OTUB2: variants seen among roughly 807,000 people sequenced by gnomAD.
OTUB2 encodes OTU deubiquitinase, ubiquitin aldehyde binding 2, also known as ubiquitin thioesterase OTUB2.
A neutral mutation model predicts 25.1 loss-of-function variants in OTUB2; 21 were observed. The observed-to-expected ratio is 0.84, with a 90% CI of 0.59 to 1.21. The LOEUF (loss-of-function observed/expected upper bound fraction) is 1.21. Ranked by LOEUF, OTUB2 falls within the 50% of genes most tolerant of loss-of-function variation. OTUB2 has a pLI of 0.00. For synonymous variants in OTUB2, 122 were observed against 122.8 expected (o/e 0.99, Z 0.04); for missense variants, 283 against 298.0 (o/e 0.95, Z 0.37).
rs1464959162 is a variant in OTUB2 at position 94,048,492 on chromosome 14, T to C, written c.*2570T>C. ...AGCTGTATGATCTTGGCCAAGTCAC[T>C]TCACCTCCCTGAGCCCCAATTCCCA... On this transcript the variant is annotated 3_prime_UTR_variant, in exon 6 of 6. Transcript: ENST00000203664. The C allele has an allele frequency of 6.6e-6, 1 of 152,214 alleles. No individual in the cohort carries two copies. Among genetic ancestry groups the C allele is most frequent in the African/African-American group, 2.4e-5 (1 of 41,464 alleles). 9.4% of individuals were successfully genotyped at this position (152,214 alleles called of 1,614,324 possible). A position where few individuals can be genotyped will look rare whatever the true frequency, so the allele number is the denominator to read the frequency against.
chr14:94,035,449 CA>C (rs1885037401), intron 1 of OTUB2, among the ~76,000 whole-genome samples: 1 of 151,918 alleles, frequency 6.6e-6, no homozygotes, highest in South Asian at 2.1e-4. Flanking sequence ...CCACCATGCC[CA>C]GCTAATTTTT....
Position 94,044,791 on chromosome 14 carries a change from G to A in OTUB2, c.498+11G>A, listed in dbSNP as rs774619748. 1 of 1,604,860 alleles carries A rather than the reference G, an allele frequency of 6.2e-7. No individual in the cohort carries two copies. The highest frequency in any genetic ancestry group is 1.1e-5 in the South Asian group (1 of 89,966). ...GACTTCTGCACTCACGTAGGTGCTT[G>A]GGGTCTCAGCCCCAGCCCTGGGCTC... On this transcript the variant is annotated intron_variant, in intron 5 of 5. Transcript: ENST00000203664.
chr14:94,029,166 T>C (rs1458300657), intron 1 of OTUB2, among the ~76,000 whole-genome samples: 2 of 152,082 alleles, frequency 1.3e-5, no homozygotes, highest in African/African-American at 4.8e-5. Flanking sequence ...AAGTAAGAGA[T>C]GGTTGACTTG....
At chr14:94,026,586 C>CGGGGGGGGGGGGGGGGGGGGGG in intron 1 of OTUB2, 46 bp downstream of exon 1, 1 of 383,204 alleles carries the variant, frequency 2.6e-6, no homozygotes, top group Non-Finnish European at 3.8e-6. Flanking sequence ...GCAGGGGGCG[C>CGGGGGGGGGGGGGGGGGGGGGG]GGTGGGCGGG....
At chr14:94,029,908 G>C (rs527866240) in intron 1 of OTUB2, among the ~76,000 whole-genome samples, 1 of 152,338 alleles carries the variant, frequency 6.6e-6, no homozygotes, top group Admixed American at 6.5e-5. Context: ...GCATGGGAAG[G>C]CCTCTCTGAG....
chr14:94,044,922 C>A, intron 5 of OTUB2, 142 bp downstream of exon 5: 1 of 858,520 alleles, frequency 1.2e-6, no homozygotes, highest in Non-Finnish European at 1.7e-6. Flanking sequence ...CAGCAAGCTG[C>A]AGACAGGTCC....
intron 3 of OTUB2, among the ~76,000 whole-genome samples, chr14:94,043,012 GAT>G (rs1266637549): frequency 2.0e-5 from 3 of 152,200 alleles, no homozygotes; most frequent in Non-Finnish European, 2.9e-5. Flanking sequence ...AGGACTGTTA[GAT>G]ATGCCAGGAC....
At chr14:94,043,781 G>A (rs567375714) in intron 3 of OTUB2, among the ~76,000 whole-genome samples, 190 bp from the exon 4 acceptor site, 8 of 152,328 alleles carry the variant, frequency 5.3e-5, no homozygotes, top group Admixed American at 5.2e-4. Context: ...AGCCACCAGG[G>A]CCCGGCAGGG....
chr14:94,040,384 G>A lies in OTUB2; in HGVS notation c.218+1303G>A, dbSNP rs548320779. Among the ~76,000 whole-genome samples the A allele has an allele frequency of 3.9e-5, 6 of 152,268 alleles. No homozygotes were observed. The South Asian group carries it at 6.2e-4, about 16-fold the overall frequency. On this transcript the variant is annotated intron_variant, in intron 3 of 5. Transcript: ENST00000203664. ...TATGACCCCAACTTCATTTCCCCACGACCCATGTCCCCTGGAGTTGTGCCA... is the reference window on the plus strand; with the variant it reads ...TATGACCCCAACTTCATTTCCCCACAACCCATGTCCCCTGGAGTTGTGCCA...
In OTUB2 at chr14:94,047,361, G is replaced by C. The variant is rs553311288; in HGVS notation, c.*1439G>C. The C allele has an allele frequency of 6.6e-6, 1 of 152,132 alleles. No individual in the cohort carries two copies. The highest frequency in any genetic ancestry group is 6.6e-5 in the Admixed American group (1 of 15,266). The allele number at this position is 152,132 out of a possible 1,614,324, so 9.4% of individuals were successfully genotyped here. A position where few individuals can be genotyped will look rare whatever the true frequency, so the allele number is the denominator to read the frequency against. On this transcript the variant is annotated 3_prime_UTR_variant, in exon 6 of 6. Coordinates refer to ENST00000203664, the MANE Select transcript of OTUB2 (RefSeq NM_023112.4). ...AGATTTGTGTCACTCTTCTGCCTTC[G>C]TGAAAAGCCAATAGCACTCTCAGAT...
intron 4 of OTUB2, 114 bp from the exon 5 acceptor site, chr14:94,044,472 C>G (rs1400142671): frequency 1.5e-5 from 16 of 1,097,890 alleles, no homozygotes; most frequent in Admixed American, 2.6e-5. Flanking sequence ...ACCTGAGAAT[C>G]TACAAATGAA....
At position 94,047,406 on chromosome 14, in the gene OTUB2, A is replaced by C. The variant is rs947333742; in HGVS notation, c.*1484A>C. 6 of 152,312 alleles carry C rather than the reference A, an allele frequency of 3.9e-5. 1 individual carries two copies. The East Asian group carries it at 1.2e-3, about 29-fold the overall frequency. 9.4% of individuals were successfully genotyped at this position (152,312 alleles called of 1,614,324 possible). A position where few individuals can be genotyped will look rare whatever the true frequency, so the allele number is the denominator to read the frequency against. On this transcript the variant is annotated 3_prime_UTR_variant, in exon 6 of 6. Transcript: ENST00000203664. ...TCAGATATCAGGGGATTTTAGTTCC[A>C]AGCAGGGACCCTGGTTTCCATACTG...
Position 94,026,378 on chromosome 14 carries a change from C to A in OTUB2, c.-160C>A, listed in dbSNP as rs1229631800. 1 of 1,252,894 alleles carries A rather than the reference C, an allele frequency of 8.0e-7. No individual in the cohort carries two copies. The highest frequency in any genetic ancestry group is 1.6e-5 in the African/African-American group (1 of 64,394). The allele number at this position is 1,252,894 out of a possible 1,614,324, so 77.6% of individuals were successfully genotyped here. On this transcript the variant is annotated 5_prime_UTR_variant, in exon 1 of 6. Transcript: ENST00000203664. ...TGCTGGGACACAGTGGAGGTCTAAC[C>A]TTTGGTTTGCGGAGCGGTCGGGTGT... is the stretch of plus-strand genomic sequence containing the variant.
rs1029597469 is a variant in OTUB2, at chr14:94,046,146, C to T, written c.*224C>T. 16 of 621,890 alleles carry T rather than the reference C, an allele frequency of 2.6e-5. No homozygotes were observed. Among genetic ancestry groups the T allele is most frequent in the Non-Finnish European group, 4.2e-5 (15 of 358,482 alleles). 38.5% of individuals were successfully genotyped at this position (621,890 alleles called of 1,614,324 possible). A position where few individuals can be genotyped will look rare whatever the true frequency, so the allele number is the denominator to read the frequency against. On this transcript the variant is annotated 3_prime_UTR_variant, in exon 6 of 6. Coordinates refer to ENST00000203664, the MANE Select transcript of OTUB2 (RefSeq NM_023112.4). ...AGGGACAAATGCTTTCTAACTGGGC[C>T]CCCGACTCCGCACCCCAGTTCGCAG...
At chr14:94,036,781 C>T (rs1427813785) in intron 1 of OTUB2, among the ~76,000 whole-genome samples, 13 of 152,176 alleles carry the variant, frequency 8.5e-5, no homozygotes, top group South Asian at 2.1e-4. Flanking sequence ...CTGTGCTCCC[C>T]GAGCTCAGAT....
chr14:94,041,333 G>T (rs933542705), intron 3 of OTUB2, among the ~76,000 whole-genome samples: 19 of 152,170 alleles, frequency 1.2e-4, no homozygotes, highest in African/African-American at 4.6e-4. Context: ...GAGTAGGGGT[G>T]TCTGGTGGGC....
intron 3 of OTUB2, among the ~76,000 whole-genome samples, chr14:94,043,155 G>A (rs1164237832): frequency 6.6e-6 from 1 of 152,200 alleles, no homozygotes; most frequent in Non-Finnish European, 1.5e-5. Flanking sequence ...GGCTTTTCTG[G>A]AGCACAGCAC....
intron 3 of OTUB2, among the ~76,000 whole-genome samples, chr14:94,040,902 G>T (rs8021765): frequency 0.15 from 23,576 of 152,172 alleles, 2,800 homozygotes; most frequent in African/African-American, 0.34. Context: ...GGTAAGGGCG[G>T]CAGGGCACAT....
chr14:94,043,358 C>A (rs1371318010), intron 3 of OTUB2, among the ~76,000 whole-genome samples: 1 of 152,224 alleles, frequency 6.6e-6, no homozygotes, highest in Non-Finnish European at 1.5e-5. Flanking sequence ...TTCCTCCATA[C>A]CTCGTTGCTG....
Sources: gnomAD v4.1 joint callset for allele counts (sites outside exome capture counted in the v4.1 genomes callset) on GRCh38, gnomAD v4.1.1 for gene constraint, MANE v1.5 for transcripts, NCBI Gene and HGNC (gene_info 2026-07-23, HGNC 2026-07-21) for gene names.